BTBD8: variants seen among roughly 807,000 people sequenced by gnomAD.
BTBD8 encodes the protein BTB domain containing 8.
In BTBD8, 110 loss-of-function variants were observed where a neutral mutation model predicts 162.9. The ratio of observed to expected loss-of-function variants is 0.68; its 90% CI spans 0.58 to 0.79. The LOEUF is 0.79. BTBD8 is among the 30% of genes least tolerant of loss of function. BTBD8 has a pLI of 0.00. For missense variants in BTBD8, 1,905 were observed against 2,085.4 expected (o/e 0.91, Z 1.68); for synonymous variants, 667 against 716.1 (o/e 0.93, Z 1.10).
At chr1:92,171,620 A>G (rs754900554) in intron 13 of BTBD8, among the ~76,000 whole-genome samples, 160 bp downstream of exon 13, 4 of 152,246 alleles carry the variant, frequency 2.6e-5, no homozygotes, top group Non-Finnish European at 5.9e-5. Context: ...AACATTTAAT[A>G]AATGTTTTAA....
In BTBD8 at chr1:92,167,816, T is replaced by C. The variant is rs1650422827; in HGVS notation, c.1306-32T>C. On this transcript the variant is annotated intron_variant, in intron 10 of 17. Coordinates refer to ENST00000636805, the MANE Select transcript of BTBD8 (RefSeq NM_001376131.1). ...CATTTCTTGTGCATTTTATATGTATTCCTCTTAAATATTAATTTCTGTGTT... is the reference window on the plus strand; with the variant it reads ...CATTTCTTGTGCATTTTATATGTATCCCTCTTAAATATTAATTTCTGTGTT... 2 of 1,520,622 alleles carry C rather than the reference T, an allele frequency of 1.3e-6. 1 individual carries two copies. The highest frequency in any genetic ancestry group is 1.8e-6 in the Non-Finnish European group (2 of 1,122,412). The allele number at this position is 1,520,622 out of a possible 1,614,324, so 94.2% of individuals were successfully genotyped here.
chr1:92,103,424 G>A (rs1424327381), intron 3 of BTBD8, among the ~76,000 whole-genome samples: 2 of 152,196 alleles, frequency 1.3e-5, no homozygotes, highest in Non-Finnish European at 2.9e-5. Context: ...AAAGATGGAT[G>A]CATGTGTAGA....
At chr1:92,082,860 C>G (rs946778495) in intron 1 of BTBD8, among the ~76,000 whole-genome samples, 1 of 151,982 alleles carries the variant, frequency 6.6e-6, no homozygotes, top group Non-Finnish European at 1.5e-5. Flanking sequence ...AAAAAAAACA[C>G]TAATACTTAT....
At chr1:92,138,487 G>A (rs1236147025) in intron 5 of BTBD8, among the ~76,000 whole-genome samples, 2 of 152,224 alleles carry the variant, frequency 1.3e-5, no homozygotes, top group Non-Finnish European at 2.9e-5. Context: ...CTTGCTTACT[G>A]TATCCCTCTA....
intron 9 of BTBD8, among the ~76,000 whole-genome samples, chr1:92,152,541 A>T (rs532031): frequency 0.026 from 3,922 of 152,226 alleles, 73 homozygotes; most frequent in Non-Finnish European, 0.029. Context: ...GTAACCAGGG[A>T]TATGGAGACT....
At position 92,129,674 on chromosome 1, in the gene BTBD8, C is replaced by T. The variant is rs771662563; in HGVS notation, c.663-13C>T. 6.2e-7 allele frequency: 1 copy of T among 1,605,490 alleles called. No homozygotes were observed. The highest frequency in any genetic ancestry group is 2.2e-5 in the East Asian group (1 of 44,834). On this transcript the variant is annotated splice_polypyrimidine_tract_variant and intron_variant, in intron 4 of 17. Coordinates refer to ENST00000636805, the MANE Select transcript of BTBD8 (RefSeq NM_001376131.1). ...AAATGTTTACCTGTGTTTCTCCCCC[C>T]TCTTCCCTTTAGGGCCATTTTGAGT...
intron 2 of BTBD8, among the ~76,000 whole-genome samples, chr1:92,092,843 T>G (rs1648350036): frequency 6.6e-6 from 1 of 152,228 alleles, no homozygotes; most frequent in Non-Finnish European, 1.5e-5. Context: ...ATGCCAGTCT[T>G]TTAGTTATTT....
At chr1:92,107,789 T>C in intron 3 of BTBD8, 95 bp from the exon 4 acceptor site, 1 of 958,614 alleles carries the variant, frequency 1.0e-6, no homozygotes, top group Non-Finnish European at 1.5e-6. Context: ...CTAATTGAGA[T>C]AATTATGTGG....
chr1:92,100,250 G>A (rs763681852), intron 2 of BTBD8, among the ~76,000 whole-genome samples: 4 of 151,924 alleles, frequency 2.6e-5, no homozygotes, highest in African/African-American at 9.7e-5. Flanking sequence ...TTTTGTTGAG[G>A]GTTTTTTTAT....
chr1:92,178,333 C>G lies in BTBD8; in HGVS notation c.2463C>G (p.Gly821=). The change falls in exon 16 of 18, where the codon GGC becomes GGG. Residue 821 remains glycine, a synonymous_variant. Coordinates refer to ENST00000636805, the MANE Select transcript of BTBD8 (RefSeq NM_001376131.1). The stretch of plus-strand genomic sequence containing the variant: ...TTAGTGTACTAAAGAAAGTCAGTGG[C>G]AAAGGATGTAGTGAGCCAGTACCAC... ...VNNSVLKKVS[G]KGCSEPVPQA... 6.5e-7 allele frequency: 1 copy of G among 1,550,328 alleles called. No homozygotes were observed. The highest frequency in any genetic ancestry group is 1.2e-5 in the South Asian group (1 of 83,768).
intron 9 of BTBD8, among the ~76,000 whole-genome samples, chr1:92,166,160 C>T (rs1234155213): frequency 6.6e-6 from 1 of 152,038 alleles, no homozygotes; most frequent in East Asian, 1.9e-4. Flanking sequence ...AAAATATAAA[C>T]AGTAGAGTCT....
At chr1:92,133,746 G>A (rs955075066) in intron 5 of BTBD8, among the ~76,000 whole-genome samples, 16 of 152,104 alleles carry the variant, frequency 1.1e-4, no homozygotes, top group African/African-American at 7.2e-5. Context: ...TGAGGCGGGC[G>A]GATCACAAGG....
chr1:92,131,752 T>A (rs1173042030), intron 5 of BTBD8, among the ~76,000 whole-genome samples: 1 of 151,772 alleles, frequency 6.6e-6, no homozygotes, highest in South Asian at 2.1e-4. Flanking sequence ...ACACACATTA[T>A]GTAATGATGA....
chr1:92,085,734 A>G (rs1648141327), intron 1 of BTBD8, among the ~76,000 whole-genome samples: 1 of 151,844 alleles, frequency 6.6e-6, no homozygotes, highest in African/African-American at 2.4e-5. Flanking sequence ...CGTCTAAATA[A>G]TAATAATTTA....
At chr1:92,128,399 C>T (rs911985024) in intron 4 of BTBD8, among the ~76,000 whole-genome samples, 2 of 152,120 alleles carry the variant, frequency 1.3e-5, no homozygotes. Context: ...TTGACTTAGT[C>T]TCCCGAGTAG....
chr1:92,142,493 A>ATACT (rs1649801896), intron 7 of BTBD8, among the ~76,000 whole-genome samples: 1 of 152,234 alleles, frequency 6.6e-6, no homozygotes, highest in Non-Finnish European at 1.5e-5. Flanking sequence ...CAGTGAGAAT[A>ATACT]TACTTGAGTG....
Position 92,182,477 on chromosome 1 carries a change from A to G in BTBD8, c.4794A>G (p.Pro1598=). ...LHQREPNSDI[P]KNSSTKSLDS... is the part of the protein sequence containing the mutation. ...AAAGAGAACCCAATTCTGACATACC[A>G]AAGAACAGCTCTACAAAATCTCTAG... Residue 1598 remains proline (P), a synonymous_variant, in exon 17 of 18, where the codon CCA becomes CCG. Coordinates refer to ENST00000636805, the MANE Select transcript of BTBD8 (RefSeq NM_001376131.1). 1 of 1,551,628 alleles carries G rather than the reference A, an allele frequency of 6.4e-7. No individual in the cohort carries two copies. The highest frequency in any genetic ancestry group is 1.2e-5 in the South Asian group (1 of 83,992).
Position 92,080,498 on chromosome 1 carries a change from G to A in BTBD8, c.-74G>A, listed in dbSNP as rs1006800404. The A allele has an allele frequency of 2.5e-6, 4 of 1,574,624 alleles. No homozygotes were observed. The highest frequency in any genetic ancestry group is 2.8e-5 in the African/African-American group (2 of 72,438). ...AGGAGCCGAGCGTTCGGTCGGAAAC[G>A]CCCCCTTCTTCCTCCTGGGCGGGGC... On this transcript the variant is annotated 5_prime_UTR_variant, in exon 1 of 18. Coordinates refer to ENST00000636805, the MANE Select transcript of BTBD8 (RefSeq NM_001376131.1).
At chr1:92,126,380 G>A (rs957191966) in intron 4 of BTBD8, 5 of 685,132 alleles carry the variant, frequency 7.3e-6, no homozygotes, top group Admixed American at 3.8e-5. Flanking sequence ...AGCTGGACCA[G>A]CCTAGATTTG....
Sources: allele counts gnomAD v4.1 joint callset (sites outside exome capture counted in the v4.1 genomes callset), GRCh38; gene constraint gnomAD v4.1.1; transcripts MANE v1.5; gene names NCBI Gene and HGNC (gene_info 2026-07-23, HGNC 2026-07-21).